Variants in SPG11 observed in about 807,000 individuals in gnomAD.
SPG11 encodes SPG11 vesicle trafficking associated, spatacsin, also known as spatacsin.
SPG11 carries 222 observed loss-of-function variants against 274.0 expected under a neutral mutation model. The observed-to-expected ratio is 0.81, with a 90% CI of 0.73 to 0.91. SPG11 has a LOEUF of 0.91. SPG11 is among the 40% of genes least tolerant of loss of function. SPG11 has a pLI of 0.00. For synonymous variants in SPG11, 1,144 were observed against 1,039.7 expected (o/e 1.10, Z -1.93); for missense variants, 3,114 against 2,872.7 (o/e 1.08, Z -1.92).
Position 44,584,110 on chromosome 15 carries a change from A to AAC in SPG11, c.5569_5570insGT (p.Leu1857ArgfsTer23). The AAC allele has an allele frequency of 5.0e-6, 8 of 1,614,244 alleles. No individual in the cohort carries two copies. The highest frequency in any genetic ancestry group is 6.8e-6 in the Non-Finnish European group (8 of 1,180,050). On this transcript the variant is annotated frameshift_variant, in exon 30 of 40. Transcript: ENST00000261866. LOFTEE classifies it high-confidence loss of function. ...TGTCTCTTTGGATGGAAGGCTGTTAAGTTCTAAGTATTTTGATGTGTTCAG... is the reference window on the plus strand; with the variant it reads ...TGTCTCTTTGGATGGAAGGCTGTTAAACGTTCTAAGTATTTTGATGTGTTCAG...
At chr15:44,571,976 T>C (rs1417945489) in intron 33 of SPG11, among the ~76,000 whole-genome samples, 1 of 152,238 alleles carries the variant, frequency 6.6e-6, no homozygotes, top group Non-Finnish European at 1.5e-5. Context: ...AAAATATTTT[T>C]AGAGACAGGG....
Position 44,608,518 on chromosome 15 carries a change from T to A in SPG11, c.3379A>T (p.Lys1127Ter). Reference protein sequence around the residue: ...KMALTPYPKLKTALFPQCTPP... With the variant: ...KMALTPYPKL ...GTGCACTGTGGGAAGAGAGCAGTTTTTAGCTTGGGGTAAGGAGTTAATGCC... is the reference window on the plus strand; with the variant it reads ...GTGCACTGTGGGAAGAGAGCAGTTTATAGCTTGGGGTAAGGAGTTAATGCC... The change falls in exon 19 of 40, where the codon AAA becomes TAA. Residue 1127 changes from lysine (K) to a stop codon, truncating the protein, a stop_gained. Coordinates refer to ENST00000261866, the MANE Select transcript of SPG11 (RefSeq NM_025137.4). LOFTEE classifies it high-confidence loss of function. The A allele has an allele frequency of 6.2e-7, 1 of 1,614,130 alleles. No individual in the cohort carries two copies. The highest frequency in any genetic ancestry group is 1.7e-5 in the Admixed American group (1 of 60,010).
At chr15:44,617,201 C>A (rs903446895) in intron 15 of SPG11, among the ~76,000 whole-genome samples, 4 of 152,242 alleles carry the variant, frequency 2.6e-5, no homozygotes, top group African/African-American at 9.6e-5. Flanking sequence ...ACACCCTACA[C>A]TAAGGGTCAC....
chr15:44,570,840 A>G (rs749335961), intron 33 of SPG11, among the ~76,000 whole-genome samples, 182 bp from the exon 34 acceptor site: 5 of 152,146 alleles, frequency 3.3e-5, no homozygotes, highest in Non-Finnish European at 7.3e-5. Flanking sequence ...CCTTGATGAC[A>G]TCCAAATCAT....
chr15:44,621,505 C>A, intron 14 of SPG11: 1 of 448,658 alleles, frequency 2.2e-6, no homozygotes. Context: ...CAGATTGTCA[C>A]TTTGAAGCTG....
chr15:44,655,751 G>A (rs1291918303), intron 4 of SPG11, among the ~76,000 whole-genome samples: 3 of 152,108 alleles, frequency 2.0e-5, no homozygotes, highest in Admixed American at 6.6e-5. Flanking sequence ...CATTTTGATC[G>A]TGCAGGGGGT....
At chr15:44,647,605 G>A (rs1490179006) in intron 7 of SPG11, among the ~76,000 whole-genome samples, 1 of 152,202 alleles carries the variant, frequency 6.6e-6, no homozygotes, top group Non-Finnish European at 1.5e-5. Flanking sequence ...AAGTTGTAGT[G>A]ACATGCTACA....
Position 44,606,052 on chromosome 15 carries a change from G to A in SPG11, c.3493C>T (p.Gln1165Ter), listed in dbSNP as rs1361724441. 1.2e-6 allele frequency: 2 copies of A among 1,613,672 alleles called. No homozygotes were observed. The highest frequency in any genetic ancestry group is 1.7e-6 in the Non-Finnish European group (2 of 1,179,770). The change falls in exon 20 of 40, where the codon CAG (glutamine) becomes TAG (stop). Residue 1165 changes from glutamine (Q) to a stop codon, truncating the protein, a stop_gained. Transcript: ENST00000261866. LOFTEE classifies it high-confidence loss of function. ...PFDPSRLFGW[Q>*]SANTLAIGDA... Reference sequence around the variant, plus strand: ...CCTATAGCTAGTGTGTTAGCAGACTGCCAGCCAAACAATCTGCTAGGATCA... The same window carrying A: ...CCTATAGCTAGTGTGTTAGCAGACTACCAGCCAAACAATCTGCTAGGATCA...
rs1713037863 is a variant in SPG11, at chr15:44,628,741, T to G, written c.1995A>C (p.Ile665=). 1.9e-6 allele frequency: 3 copies of G among 1,613,664 alleles called. No individual in the cohort carries two copies. Among genetic ancestry groups the G allele is most frequent in the South Asian group, 2.2e-5 (2 of 91,082 alleles). Residue 665 remains isoleucine (I), a synonymous_variant, in exon 10 of 40, where the codon ATA becomes ATC. Coordinates refer to ENST00000261866, the MANE Select transcript of SPG11 (RefSeq NM_025137.4). ...CATTTTCATGTACATCATATTCATC[T>G]ATAGCATCTGTTAGCTTCCAAGGAA... is the stretch of plus-strand genomic sequence containing the variant. ...IKFPWKLTDA[I]DEYDVHENVP... is the part of the protein sequence containing the mutation.
rs1423357318 is a variant in SPG11, at chr15:44,641,196, G to A, written c.1603-7559C>T. Among the ~76,000 whole-genome samples the A allele has an allele frequency of 2.0e-5, 3 of 152,162 alleles. No homozygotes were observed. The East Asian group carries it at 5.8e-4, about 29-fold the overall frequency. ...TGTAATCCCAGCTACTTAGAAGGCT[G>A]AGGCAGGAGAATGGCTTGAACCTGG... On this transcript the variant is annotated intron_variant, in intron 7 of 39. Coordinates refer to ENST00000261866, the MANE Select transcript of SPG11 (RefSeq NM_025137.4).
At chr15:44,644,263 T>C (rs1213456465) in intron 7 of SPG11, among the ~76,000 whole-genome samples, 2 of 152,132 alleles carry the variant, frequency 1.3e-5, no homozygotes, top group African/African-American at 4.8e-5. Flanking sequence ...GCTTTATCCC[T>C]GGCATGCAAG....
rs188562679 is a variant in SPG11, at chr15:44,571,057, T to C, written c.6344-399A>G. 3.6e-3 allele frequency among the ~76,000 whole-genome samples: 552 copies of C among 152,306 alleles called. 4 individuals are homozygous for C. The highest frequency in any genetic ancestry group is 5.9e-3 in the Non-Finnish European group (399 of 68,026). ...GTCTCAGGGCCTAATCAAGTGCCATTTGGTGTTCTGGCTTTCTAGAGTAGT... is the reference window on the plus strand; with the variant it reads ...GTCTCAGGGCCTAATCAAGTGCCATCTGGTGTTCTGGCTTTCTAGAGTAGT... On this transcript the variant is annotated intron_variant, in intron 33 of 39. Transcript: ENST00000261866.
At chr15:44,612,047 G>C (rs893838835) in intron 17 of SPG11, among the ~76,000 whole-genome samples, 1 of 152,068 alleles carries the variant, frequency 6.6e-6, no homozygotes, top group Admixed American at 6.5e-5. Flanking sequence ...CTGACCTCGT[G>C]ATCTGCCCGC....
Position 44,583,836 on chromosome 15 carries a change from A to C in SPG11, c.5844T>G (p.Ile1948Met). ...AELLEEEAPD[I>M]PLRRVHSTSS... ...TACTGCTGTGGACTCTCCTTAGGGG[A>C]ATGTCGGGTGCTTCTTCCTCAAGCA... Residue 1948 changes from isoleucine (I) to methionine (M), a missense_variant, in exon 30 of 40, where the codon ATT (isoleucine) becomes ATG (methionine). Coordinates refer to ENST00000261866, the MANE Select transcript of SPG11 (RefSeq NM_025137.4). 6.2e-7 allele frequency: 1 copy of C among 1,613,992 alleles called. No homozygotes were observed. Among genetic ancestry groups the C allele is most frequent in the Non-Finnish European group, 8.5e-7 (1 of 1,179,940 alleles).
At chr15:44,572,286 G>C (rs1474377039) in intron 33 of SPG11, among the ~76,000 whole-genome samples, 1 of 152,174 alleles carries the variant, frequency 6.6e-6, no homozygotes, top group Non-Finnish European at 1.5e-5. Flanking sequence ...GGCCTATAAT[G>C]AGTTAGACAT....
intron 7 of SPG11, among the ~76,000 whole-genome samples, chr15:44,640,209 C>CA (rs1041980893): frequency 9.3e-5 from 14 of 150,984 alleles, no homozygotes; most frequent in South Asian, 2.1e-4. Context: ...GACTCCGTCT[C>CA]AAAAAAAACA....
chr15:44,619,588 C>G (rs1278335236), intron 15 of SPG11, among the ~76,000 whole-genome samples: 1 of 152,218 alleles, frequency 6.6e-6, no homozygotes, highest in Non-Finnish European at 1.5e-5. Context: ...CATCTCAGCT[C>G]TTGTCACTTG....
chr15:44,626,446 A>T lies in SPG11; in HGVS notation c.2129T>A (p.Ile710Asn). ...KIPEAQTFFR[I>N]DSHSAQKLEE... ...AAGTTTTTGAGCAGAATGACTATCA[A>T]TCCTGAAGAAAGTCTGTGCCTCTGG... Residue 710 changes from isoleucine (I) to asparagine (N), a missense_variant, in exon 11 of 40, where the codon ATT becomes AAT. By Grantham distance (149) the Ile-to-Asn change is moderately radical. Transcript: ENST00000261866. 1 of 1,614,024 alleles carries T rather than the reference A, an allele frequency of 6.2e-7. No homozygotes were observed. The highest frequency in any genetic ancestry group is 1.7e-4 in the Middle Eastern group (1 of 6,058).
chr15:44,610,835 C>T lies in SPG11; in HGVS notation c.3291+5G>A. 6.2e-7 allele frequency: 1 copy of T among 1,613,642 alleles called. No homozygotes were observed. The highest frequency in any genetic ancestry group is 8.5e-7 in the Non-Finnish European group (1 of 1,179,696). Reference sequence around the variant, plus strand: ...TCCTATTTTGTCATAAAGTGCTATCCATACCTGACTGACACCCCCAGGAGA... The same window carrying T: ...TCCTATTTTGTCATAAAGTGCTATCTATACCTGACTGACACCCCCAGGAGA... On this transcript the variant is annotated splice_donor_5th_base_variant and intron_variant, in intron 18 of 39. Coordinates refer to ENST00000261866, the MANE Select transcript of SPG11 (RefSeq NM_025137.4).
Sources: gnomAD v4.1 joint callset for allele counts (sites outside exome capture counted in the v4.1 genomes callset) on GRCh38, gnomAD v4.1.1 for gene constraint, MANE v1.5 for transcripts, NCBI Gene and HGNC (gene_info 2026-07-23, HGNC 2026-07-21) for gene names.